GAS2: variants seen among roughly 807,000 people sequenced by gnomAD.
The protein encoded by GAS2 is growth arrest-specific protein 2.
GAS2 carries 20 observed loss-of-function variants against 37.5 expected under a neutral mutation model. The observed-to-expected ratio is 0.53, with a 90% CI of 0.37 to 0.77. The LOEUF (loss-of-function observed/expected upper bound fraction) is 0.77, where lower values mean the gene tolerates loss of function less well. Ranked by LOEUF, GAS2 falls within the 30% of genes least tolerant of loss-of-function variation. The pLI is 0.00. For missense variants in GAS2, 336 were observed against 373.4 expected (o/e 0.90, Z 0.82); for synonymous variants, 144 against 132.2 (o/e 1.09, Z -0.61).
intron 1 of GAS2, among the ~76,000 whole-genome samples, chr11:22,671,594 T>C (rs1202012310): frequency 6.6e-6 from 1 of 152,088 alleles, no homozygotes; most frequent in Non-Finnish European, 1.5e-5. Flanking sequence ...AAGTTACCCC[T>C]TGGCATCTCT....
chr11:22,732,547 A>G (rs1022140556), intron 4 of GAS2, among the ~76,000 whole-genome samples: 1 of 151,606 alleles, frequency 6.6e-6, no homozygotes, highest in African/African-American at 2.4e-5. Flanking sequence ...GATCAGTTTT[A>G]TAGCCCCTAA....
chr11:22,664,681 C>G (rs1848955036), upstream of GAS2, among the ~76,000 whole-genome samples: 2 of 152,032 alleles, frequency 1.3e-5, no homozygotes, highest in African/African-American at 4.8e-5. Context: ...CCACACTAAA[C>G]TAAGAAAATA....
intron 3 of GAS2, among the ~76,000 whole-genome samples, chr11:22,703,176 A>C (rs1240654278): frequency 6.6e-6 from 1 of 152,176 alleles, no homozygotes; most frequent in Non-Finnish European, 1.5e-5. Flanking sequence ...TCCCTTGAGC[A>C]TGAAAGTAAA....
chr11:22,706,090 G>T (rs995542657), intron 3 of GAS2, among the ~76,000 whole-genome samples: 3 of 152,172 alleles, frequency 2.0e-5, no homozygotes, highest in Non-Finnish European at 1.5e-5. Flanking sequence ...GCTAAGTCTT[G>T]TTGGATGCTG....
chr11:22,811,343 T>C (rs1857153361), intron 7 of GAS2, among the ~76,000 whole-genome samples: 1 of 152,206 alleles, frequency 6.6e-6, no homozygotes, highest in African/African-American at 2.4e-5. Context: ...TTATTTTGTA[T>C]TGAGTATTTG....
intron 3 of GAS2, among the ~76,000 whole-genome samples, chr11:22,716,273 A>T (rs1373521332): frequency 6.6e-6 from 1 of 152,152 alleles, no homozygotes; most frequent in African/African-American, 2.4e-5. Flanking sequence ...GGAACAAGAC[A>T]AGGATGCCCA....
At chr11:22,772,469 G>A (rs569005606) in intron 7 of GAS2, among the ~76,000 whole-genome samples, 1 of 152,178 alleles carries the variant, frequency 6.6e-6, no homozygotes, top group Admixed American at 6.5e-5. Context: ...TCTTTTAAAG[G>A]GGTGTGTGTA....
intron 3 of GAS2, among the ~76,000 whole-genome samples, chr11:22,719,723 T>A (rs1851858008): frequency 6.6e-6 from 1 of 152,078 alleles, no homozygotes; most frequent in Non-Finnish European, 1.5e-5. Flanking sequence ...CCTGTAGTAT[T>A]TTTTTAGATT....
intron 1 of GAS2, among the ~76,000 whole-genome samples, chr11:22,671,708 C>T (rs421953): frequency 0.37 from 56,072 of 151,886 alleles, 11,389 homozygotes; most frequent in African/African-American, 0.55. Context: ...TGACTAAACA[C>T]TTCTTTAAAA....
At chr11:22,759,951 T>C (rs12422017) in intron 7 of GAS2, among the ~76,000 whole-genome samples, 54,720 of 151,748 alleles carry the variant, frequency 0.36, 9,916 homozygotes, top group East Asian at 0.56. Flanking sequence ...TAATAATGTC[T>C]GTGGTATTTG....
At chr11:22,701,514 A>T (rs971236337) in intron 3 of GAS2, among the ~76,000 whole-genome samples, 2 of 152,070 alleles carry the variant, frequency 1.3e-5, no homozygotes, top group Non-Finnish European at 2.9e-5. Flanking sequence ...ATAGCTTGTG[A>T]GATCAAGCTT....
intron 6 of GAS2, among the ~76,000 whole-genome samples, chr11:22,752,361 A>G (rs1033090822): frequency 4.6e-5 from 7 of 151,930 alleles, no homozygotes; most frequent in Non-Finnish European, 8.8e-5. Context: ...TTTTTACTGA[A>G]GTGTTTTATT....
chr11:22,753,761 G>A (rs1476119085), intron 6 of GAS2, among the ~76,000 whole-genome samples: 1 of 151,970 alleles, frequency 6.6e-6, no homozygotes, highest in African/African-American at 2.4e-5. Context: ...TCTAGCAATG[G>A]CATAAACATA....
At chr11:22,705,979 C>G (rs1851096123) in intron 3 of GAS2, among the ~76,000 whole-genome samples, 1 of 151,974 alleles carries the variant, frequency 6.6e-6, no homozygotes, top group African/African-American at 2.4e-5. Flanking sequence ...ACGTGAAAGC[C>G]CTCAGATGTA....
chr11:22,703,682 G>A (rs76869006), intron 3 of GAS2, among the ~76,000 whole-genome samples: 3,796 of 152,188 alleles, frequency 0.025, 160 homozygotes, highest in African/African-American at 0.08. Context: ...ACATTACAGA[G>A]TAATGGAATA....
intron 1 of GAS2, among the ~76,000 whole-genome samples, chr11:22,633,985 T>A (rs1259206979): frequency 2.6e-5 from 4 of 152,080 alleles, no homozygotes; most frequent in African/African-American, 2.4e-5. Context: ...ACAGCTATGT[T>A]TGCAGTGATG....
At chr11:22,679,080 A>G (rs1849560983) in intron 2 of GAS2, among the ~76,000 whole-genome samples, 2 of 152,068 alleles carry the variant, frequency 1.3e-5, no homozygotes, top group East Asian at 3.8e-4. Context: ...ACACTGATTA[A>G]TGAGAACATT....
At chr11:22,792,762 A>G (rs546356824) in intron 7 of GAS2, among the ~76,000 whole-genome samples, 17 of 152,384 alleles carry the variant, frequency 1.1e-4, no homozygotes, top group Admixed American at 6.5e-4. Flanking sequence ...GCAAGGGTGG[A>G]TAGACATAGT....
At chr11:22,753,912 G>A (rs1043018130) in intron 6 of GAS2, among the ~76,000 whole-genome samples, 8 of 152,084 alleles carry the variant, frequency 5.3e-5, no homozygotes, top group African/African-American at 1.9e-4. Context: ...GTCCTAGAAT[G>A]TGGTTCTGCA....
Sources: allele counts gnomAD v4.1 joint callset (sites outside exome capture counted in the v4.1 genomes callset), GRCh38; gene constraint gnomAD v4.1.1; transcripts MANE v1.5; gene names NCBI Gene and HGNC (gene_info 2026-07-23, HGNC 2026-07-21).